IL34: variants seen among roughly 807,000 people sequenced by gnomAD.
The protein encoded by IL34 is interleukin 34.
A neutral mutation model predicts 25.3 loss-of-function variants in IL34; 17 were observed. The ratio of observed to expected loss-of-function variants is 0.67; its 90% CI spans 0.46 to 1.01. The LOEUF is 1.01. Ranked by LOEUF, IL34 falls within the 50% of genes least tolerant of loss-of-function variation. The pLI, the probability that IL34 is intolerant of heterozygous loss-of-function variation, is 0.00. For synonymous variants in IL34, 174 were observed against 140.9 expected (o/e 1.23, Z -1.66); for missense variants, 368 against 312.9 (o/e 1.18, Z -1.33).
intron 1 of IL34, among the ~76,000 whole-genome samples, chr16:70,628,759 T>C (rs1269874321): frequency 6.6e-6 from 1 of 151,572 alleles, no homozygotes; most frequent in Non-Finnish European, 1.5e-5. Flanking sequence ...AGTCCTGGGA[T>C]TACAGGCATG....
At chr16:70,584,420 A>G (rs2050668031) in intron 1 of IL34, among the ~76,000 whole-genome samples, 1 of 152,196 alleles carries the variant, frequency 6.6e-6, no homozygotes, top group South Asian at 2.1e-4. Context: ...AGACTTGCCT[A>G]TAGCTAGAAA....
chr16:70,632,686 A>G (rs916932424), intron 1 of IL34, among the ~76,000 whole-genome samples: 10 of 152,024 alleles, frequency 6.6e-5, no homozygotes, highest in African/African-American at 2.4e-4. Flanking sequence ...TGAAGGGGGT[A>G]TTTTTGCTGT....
At chr16:70,623,192 C>T (rs1008256770) in intron 1 of IL34, among the ~76,000 whole-genome samples, 4 of 151,956 alleles carry the variant, frequency 2.6e-5, no homozygotes, top group Non-Finnish European at 5.9e-5. Context: ...ATTTGCTGAG[C>T]CTAATGGGTG....
At chr16:70,648,845 G>A (rs2151873574) in intron 1 of IL34, among the ~76,000 whole-genome samples, 1 of 152,252 alleles carries the variant, frequency 6.6e-6, no homozygotes, top group African/African-American at 2.4e-5. Flanking sequence ...CTGCAGGGCT[G>A]CGTTCCCTCT....
chr16:70,587,426 C>A (rs1053043369), intron 1 of IL34, among the ~76,000 whole-genome samples: 1 of 152,090 alleles, frequency 6.6e-6, no homozygotes, highest in South Asian at 2.1e-4. Context: ...CCCGCCACCA[C>A]GCCCAGCTAA....
intron 1 of IL34, among the ~76,000 whole-genome samples, chr16:70,624,384 TA>T (rs1190863306): frequency 6.6e-6 from 1 of 152,140 alleles, no homozygotes; most frequent in Non-Finnish European, 1.5e-5. Context: ...TCTGTTACTG[TA>T]CACCTTGAAG....
intron 1 of IL34, among the ~76,000 whole-genome samples, chr16:70,625,720 A>AC (rs1255111462): frequency 6.6e-6 from 1 of 152,198 alleles, no homozygotes; most frequent in Non-Finnish European, 1.5e-5. Context: ...CACCGATAAA[A>AC]CGTGTCTGCT....
chr16:70,611,324 G>C lies in IL34; in HGVS notation c.-401+31275G>C, dbSNP rs183375731. 2.9e-3 allele frequency among the ~76,000 whole-genome samples: 434 copies of C among 152,236 alleles called. 4 individuals carry two copies. Among genetic ancestry groups the C allele is most frequent in the Non-Finnish European group, 4.8e-3 (327 of 68,008 alleles). ...GTATCCACTTCCTAGTTGCTGTGAA[G>C]GGGGAGGGGCTGCCAGGTACGGCAG... On this transcript the variant is annotated intron_variant, in intron 1 of 6. Coordinates refer to the IL34 transcript ENST00000429149.
At chr16:70,634,679 CAAAAAAA>C (rs35353668) in intron 1 of IL34, among the ~76,000 whole-genome samples, 3 of 117,854 alleles carry the variant, frequency 2.5e-5, no homozygotes, top group Admixed American at 8.9e-5. Context: ...GATTCCGAAT[CAAAAAAA>C]AAAAAAAAAA....
At chr16:70,636,567 A>G (rs1450169156) in intron 1 of IL34, among the ~76,000 whole-genome samples, 1 of 149,300 alleles carries the variant, frequency 6.7e-6, no homozygotes, top group East Asian at 2.0e-4. Flanking sequence ...ACCAGCCTGG[A>G]CAACATAGCA....
intron 1 of IL34, among the ~76,000 whole-genome samples, chr16:70,649,048 G>C (rs2052013754): frequency 6.6e-6 from 1 of 152,096 alleles, no homozygotes; most frequent in Admixed American, 6.6e-5. Context: ...ATCCAGGATG[G>C]CCTAATCTTG....
intron 1 of IL34, among the ~76,000 whole-genome samples, chr16:70,618,066 G>A (rs1418055927): frequency 3.9e-5 from 6 of 152,200 alleles, no homozygotes; most frequent in Non-Finnish European, 8.8e-5. Context: ...AATCCCTGAG[G>A]AGTAGTAGAA....
At chr16:70,657,220 A>C (rs1251938227) in intron 4 of IL34, 99 bp downstream of exon 4, 4 of 1,272,372 alleles carry the variant, frequency 3.1e-6, no homozygotes, top group Admixed American at 4.4e-5. Flanking sequence ...GAAAGGGTGA[A>C]TACACGGAAA....
chr16:70,598,671 G>A (rs1486230601), intron 1 of IL34, among the ~76,000 whole-genome samples: 2 of 152,120 alleles, frequency 1.3e-5, no homozygotes, highest in Admixed American at 6.6e-5. Flanking sequence ...CCCAGGACAC[G>A]GAGGCTCCAG....
intron 1 of IL34, among the ~76,000 whole-genome samples, chr16:70,624,020 C>G (rs927290729): frequency 1.3e-5 from 2 of 151,612 alleles, no homozygotes; most frequent in African/African-American, 2.4e-5. Context: ...TGATGGTCTA[C>G]GGGGCTTTCG....
rs773334454 is a variant in IL34, at chr16:70,631,449, C to T, written c.-400-15099C>T. ...TCCAATTTATTCTTGTTTTTATTAA[C>T]TTTTAAAACAAAACAAAACATATTA... On this transcript the variant is annotated intron_variant, in intron 1 of 6. Transcript: ENST00000429149. Among the ~76,000 whole-genome samples the T allele has an allele frequency of 7.2e-5, 11 of 152,178 alleles. No homozygotes were observed. In the South Asian group the frequency reaches 1.2e-3, roughly 17 times the overall value.
intron 1 of IL34, among the ~76,000 whole-genome samples, chr16:70,653,585 C>T (rs543293069): frequency 3.9e-4 from 59 of 152,212 alleles, no homozygotes; most frequent in African/African-American, 1.3e-3. Context: ...GTAGTCCTAG[C>T]TACTCTGGAG....
intron 1 of IL34, among the ~76,000 whole-genome samples, chr16:70,584,124 C>T (rs983589651): frequency 1.3e-5 from 2 of 152,202 alleles, no homozygotes; most frequent in Non-Finnish European, 2.9e-5. Context: ...GCACTTTGAC[C>T]TTGAGAGAGA....
chr16:70,635,115 G>A (rs2051612313), intron 1 of IL34, among the ~76,000 whole-genome samples: 1 of 152,198 alleles, frequency 6.6e-6, no homozygotes, highest in African/African-American at 2.4e-5. Flanking sequence ...AATTCTAGGA[G>A]TGGGATTGCT....
Sources: gnomAD v4.1 joint callset for allele counts (sites outside exome capture counted in the v4.1 genomes callset) on GRCh38, gnomAD v4.1.1 for gene constraint, MANE v1.5 for transcripts, NCBI Gene and HGNC (gene_info 2026-07-23, HGNC 2026-07-21) for gene names.